Variants in EIPR1 observed in about 807,000 individuals in gnomAD.
EIPR1 encodes EARP and GARP complex-interacting protein 1.
In EIPR1, 25 loss-of-function variants were observed where a neutral mutation model predicts 48.1. The ratio of observed to expected loss-of-function variants is 0.52; its 90% CI spans 0.38 to 0.73. The LOEUF is 0.73. Ranked by LOEUF, EIPR1 falls within the 30% of genes least tolerant of loss-of-function variation. EIPR1 has a pLI of 0.00. For missense variants in EIPR1, 415 were observed against 506.2 expected, an observed-to-expected ratio of 0.82 and a Z score of 1.73; for synonymous variants, 204 against 201.9, an observed-to-expected ratio of 1.01 and a Z score of -0.09.
At chr2:3,270,833 A>G (rs529648537) in intron 3 of EIPR1, among the ~76,000 whole-genome samples, 1 of 152,332 alleles carries the variant, frequency 6.6e-6, no homozygotes, top group Non-Finnish European at 1.5e-5. Flanking sequence ...TTCTTAGATA[A>G]CAATGAAGTT....
chr2:3,377,431 G>A, intron 1 of EIPR1: 2 of 493,690 alleles, frequency 4.1e-6, no homozygotes, highest in Non-Finnish European at 7.2e-6. Context: ...AGGATGTGAA[G>A]GGGAAGGAGG....
intron 3 of EIPR1, among the ~76,000 whole-genome samples, chr2:3,332,977 A>C (rs1462141401): frequency 6.6e-6 from 1 of 152,246 alleles, no homozygotes; most frequent in African/African-American, 2.4e-5. Context: ...TTTTTAAGAT[A>C]CTTTAACCTC....
rs199623295 is a variant in EIPR1, at chr2:3,355,792, T to C, written c.43-1159A>G. Among the ~76,000 whole-genome samples, 9 of 148,610 alleles carry C rather than the reference T, an allele frequency of 6.1e-5. No homozygotes were observed. In the East Asian group the frequency reaches 1.6e-3, roughly 27 times the overall value. ...TCAAACCACTGCACTCTAGCCTGGG[T>C]GACCGAACAAGACCCTGTCTAAATA... On this transcript the variant is annotated intron_variant, in intron 1 of 8. Transcript: ENST00000382125.
intron 3 of EIPR1, among the ~76,000 whole-genome samples, chr2:3,304,351 T>A (rs971623667): frequency 9.2e-5 from 14 of 152,082 alleles, no homozygotes; most frequent in African/African-American, 3.4e-4. Flanking sequence ...CTGCTCCACA[T>A]CCAGCAACCA....
chr2:3,357,483 T>C (rs986055040), intron 1 of EIPR1, among the ~76,000 whole-genome samples: 10 of 152,206 alleles, frequency 6.6e-5, no homozygotes, highest in African/African-American at 1.9e-4. Flanking sequence ...GCAGACAAGA[T>C]TGAGAACCTA....
At chr2:3,310,392 G>A (rs547031353) in intron 3 of EIPR1, among the ~76,000 whole-genome samples, 2 of 151,606 alleles carry the variant, frequency 1.3e-5, no homozygotes, top group South Asian at 2.1e-4. Context: ...GGTGGCTCAC[G>A]CCTGTAATCC....
Position 3,247,072 on chromosome 2 carries a change from GGAGAGAGGGAGGGAGAGAGGGAGGGAGA to G in EIPR1, c.416+10199_416+10226del, listed in dbSNP as rs1558249379. ...GGGAGAGAGGGAGGGAGAGAGGGAGGGAGAGAGGGAGGGAGAGAGGGAGGGAGAGAGGGAGGGAGCTGCCACTGTCATT... is the reference window on the plus strand; with the variant it reads ...GGGAGAGAGGGAGGGAGAGAGGGAGGGAGGGAGGGAGCTGCCACTGTCATT... On this transcript the variant is annotated intron_variant, in intron 4 of 8. Transcript: ENST00000382125. Among the ~76,000 whole-genome samples the G allele has an allele frequency of 7.8e-3, 580 of 74,418 alleles. 108 individuals are homozygous for G. Among genetic ancestry groups the G allele is most frequent in the African/African-American group, 0.035 (563 of 16,202 alleles). 48.8% of individuals were successfully genotyped at this position (74,418 alleles called of 152,430 possible). A position where few individuals can be genotyped will look rare whatever the true frequency, so the allele number is the denominator to read the frequency against.
intron 6 of EIPR1, chr2:3,194,380 G>A (rs1664722907): frequency 4.1e-6 from 2 of 485,466 alleles, no homozygotes; most frequent in Non-Finnish European, 7.3e-6. Flanking sequence ...CATCTCTCCA[G>A]AAGCGTATCT....
At chr2:3,222,687 T>G (rs1333145025) in intron 4 of EIPR1, among the ~76,000 whole-genome samples, 1 of 151,964 alleles carries the variant, frequency 6.6e-6, no homozygotes, top group East Asian at 1.9e-4. Flanking sequence ...ACCAACTGAG[T>G]CTGTGGGAGG....
intron 4 of EIPR1, among the ~76,000 whole-genome samples, chr2:3,232,545 A>T (rs1233365052): frequency 6.6e-6 from 1 of 151,930 alleles, no homozygotes; most frequent in Non-Finnish European, 1.5e-5. Flanking sequence ...TCCTGTTTCA[A>T]TGTTGGTCTC....
chr2:3,357,370 A>G (rs546169241), intron 1 of EIPR1, among the ~76,000 whole-genome samples: 207 of 152,356 alleles, frequency 1.4e-3, no homozygotes, highest in Non-Finnish European at 1.8e-3. Context: ...TGCTGGATTT[A>G]GAGATGAATG....
chr2:3,263,208 C>G (rs1215956347), intron 3 of EIPR1, among the ~76,000 whole-genome samples: 1 of 152,180 alleles, frequency 6.6e-6, no homozygotes, highest in Admixed American at 6.5e-5. Flanking sequence ...TGAGGCAGGG[C>G]TCCCAGCACT....
intron 4 of EIPR1, among the ~76,000 whole-genome samples, chr2:3,231,789 A>T (rs1226425792): frequency 1.3e-5 from 2 of 152,206 alleles, no homozygotes; most frequent in Non-Finnish European, 2.9e-5. Flanking sequence ...TCTAGCCTGT[A>T]ATTTTCTCTT....
intron 4 of EIPR1, among the ~76,000 whole-genome samples, chr2:3,250,438 A>C (rs1666967687): frequency 6.6e-6 from 1 of 152,226 alleles, no homozygotes; most frequent in South Asian, 2.1e-4. Flanking sequence ...TTTGAAAGTA[A>C]ATAACTTGAT....
chr2:3,217,589 C>T (rs11127387), intron 4 of EIPR1, among the ~76,000 whole-genome samples: 136,273 of 152,148 alleles, frequency 0.9, 61,696 homozygotes, highest in East Asian at 0.98. Flanking sequence ...GTTAAACTCA[C>T]GTAAAGGCAC....
chr2:3,240,962 C>T (rs1242052799), intron 4 of EIPR1, among the ~76,000 whole-genome samples: 36 of 102,728 alleles, frequency 3.5e-4, no homozygotes, highest in African/African-American at 4.7e-4. Flanking sequence ...CAGCAGATCC[C>T]TCCTAAAGCA....
rs535906693 is a variant in EIPR1, at chr2:3,267,512, T to G, written c.260-10057A>C. ...GCGGGCAACCCCAACTGCAGCTATT[T>G]CAGATACGCTGTTGTCACAGAGCAT... On this transcript the variant is annotated intron_variant, in intron 3 of 8. Transcript: ENST00000382125. Among the ~76,000 whole-genome samples, 4 of 152,352 alleles carry G rather than the reference T, an allele frequency of 2.6e-5. No individual in the cohort carries two copies. In the South Asian group the frequency reaches 6.2e-4, roughly 24 times the overall value.
chr2:3,377,746 C>A lies in EIPR1; in HGVS notation c.-57G>T. ...CACACGCTAAGGACCTCGCTACGGC[C>A]GGCGCGTCCCCACCTCGCGGGCGTG... On this transcript the variant is annotated 5_prime_UTR_variant, in exon 1 of 9. Coordinates refer to ENST00000382125, the MANE Select transcript of EIPR1 (RefSeq NM_003310.5). 1 of 1,520,730 alleles carries A rather than the reference C, an allele frequency of 6.6e-7. No homozygotes were observed. Among genetic ancestry groups the A allele is most frequent in the Non-Finnish European group, 8.9e-7 (1 of 1,128,264 alleles). 94.2% of individuals were successfully genotyped at this position (1,520,730 alleles called of 1,614,324 possible). A position where few individuals can be genotyped will look rare whatever the true frequency, so the allele number is the denominator to read the frequency against.
intron 2 of EIPR1, among the ~76,000 whole-genome samples, chr2:3,352,444 G>C (rs981702227): frequency 1.3e-5 from 2 of 150,010 alleles, no homozygotes; most frequent in African/African-American, 2.5e-5. Flanking sequence ...CAACCACACT[G>C]TCTGTTCCCG....
Sources: gnomAD v4.1 joint callset for allele counts (sites outside exome capture counted in the v4.1 genomes callset) on GRCh38, gnomAD v4.1.1 for gene constraint, MANE v1.5 for transcripts, NCBI Gene and HGNC (gene_info 2026-07-23, HGNC 2026-07-21) for gene names.